The following UGT1A3 variants were observed in gnomAD, a reference collection of about 807,000 sequenced individuals.
UGT1A3 encodes UDP glucuronosyltransferase family 1 member A3, also known as UDP-glucuronosyltransferase 1A3.
UGT1A3 carries 31 observed loss-of-function variants against 41.0 expected under a neutral mutation model. The observed-to-expected ratio is 0.76, with a 90% CI of 0.57 to 1.02. The LOEUF (loss-of-function observed/expected upper bound fraction) is 1.02. Among genes scored for constraint, UGT1A3 ranks in the 50% least tolerant of loss-of-function variants. The pLI is 0.00. For missense variants in UGT1A3, 737 were observed against 671.0 expected, an observed-to-expected ratio of 1.10 and a Z score of -1.09; for synonymous variants, 262 against 257.6, an observed-to-expected ratio of 1.02 and a Z score of -0.17.
At chr2:233,734,933 A>T (rs1236153651) in intron 1 of UGT1A3, among the ~76,000 whole-genome samples, 3 of 152,196 alleles carry the variant, frequency 2.0e-5, no homozygotes, top group Non-Finnish European at 4.4e-5. Context: ...TTTACTTACA[A>T]TCATATGGTC....
intron 1 of UGT1A3, chr2:233,743,924 G>A: frequency 1.5e-6 from 2 of 1,361,192 alleles, no homozygotes; most frequent in East Asian, 4.6e-5. Flanking sequence ...CATGCTGGAT[G>A]GCCAGAACGG....
chr2:233,754,775 G>T (rs1381490042), intron 1 of UGT1A3: 9 of 1,081,770 alleles, frequency 8.3e-6, no homozygotes, highest in Non-Finnish European at 1.1e-5. Context: ...TTCCCAGGGA[G>T]CCAAAGGAAC....
rs1321370763 is a variant in UGT1A3 at position 233,760,541 on chromosome 2, G to A, written c.868-6493G>A. 6.2e-7 allele frequency: 1 copy of A among 1,614,268 alleles called. No homozygotes were observed. Among genetic ancestry groups the A allele is most frequent in the Non-Finnish European group, 8.5e-7 (1 of 1,180,050 alleles). On this transcript the variant is annotated intron_variant, in intron 1 of 4. Coordinates refer to ENST00000482026, the MANE Select transcript of UGT1A3 (RefSeq NM_019093.4). ...AAGACGTACCCTGTGCCATTCCAAA[G>A]GGAGGATGTGAAAGAGTCTTTTGTT... is the stretch of plus-strand genomic sequence containing the variant.
intron 1 of UGT1A3, chr2:233,753,700 T>A (rs1032888616): frequency 6.6e-6 from 1 of 152,228 alleles, no homozygotes; most frequent in African/African-American, 2.4e-5. Context: ...CAGATGCACT[T>A]GGCTTTCATC....
At chr2:233,732,129 GTTGTTTGT>G (rs201829156) in intron 1 of UGT1A3, among the ~76,000 whole-genome samples, 3 of 151,474 alleles carry the variant, frequency 2.0e-5, no homozygotes, top group African/African-American at 4.9e-5. Context: ...TTTTGATGAG[GTTGTTTGT>G]TTGTTTTTTT....
chr2:233,770,134 A>T (rs1182793290), intron 4 of UGT1A3: 14 of 152,284 alleles, frequency 9.2e-5, no homozygotes, highest in African/African-American at 3.4e-4. Flanking sequence ...AAAGTCCTCT[A>T]ATACATTATT....
At chr2:233,742,829 C>T (rs1399868443) in intron 1 of UGT1A3, 1 of 154,656 alleles carries the variant, frequency 6.5e-6, no homozygotes, top group Non-Finnish European at 1.4e-5. Context: ...TAGATTTCAC[C>T]ACTACACACT....
At chr2:233,761,893 A>G (rs1304507847) in intron 1 of UGT1A3, among the ~76,000 whole-genome samples, 1 of 152,212 alleles carries the variant, frequency 6.6e-6, no homozygotes, top group African/African-American at 2.4e-5. Context: ...CTTATCCTGC[A>G]AAGATTGGCT....
chr2:233,732,649 T>A (rs1277173996), intron 1 of UGT1A3, among the ~76,000 whole-genome samples: 1 of 152,232 alleles, frequency 6.6e-6, no homozygotes, highest in Admixed American at 6.5e-5. Context: ...ACCACTGTTC[T>A]GCTCCATTGG....
chr2:233,761,137 A>T, intron 1 of UGT1A3: 2 of 1,614,180 alleles, frequency 1.2e-6, no homozygotes, highest in Non-Finnish European at 1.7e-6. Flanking sequence ...CCTTCACCAA[A>T]ATCCACTATC....
rs1158869339 is a variant in UGT1A3, at chr2:233,729,371, T to A, written c.245T>A (p.Ile82Asn). ...TTTTTCACCCTGACAACCTATGCCATTTCGTGGACCCAGGATGAATTTGAT... is the reference window on the plus strand; with the variant it reads ...TTTTTCACCCTGACAACCTATGCCAATTCGTGGACCCAGGATGAATTTGAT... ...ENFFTLTTYAISWTQDEFDRH... is the reference protein window; with the variant it reads ...ENFFTLTTYANSWTQDEFDRH... Residue 82 changes from isoleucine (I) to asparagine (N), a missense_variant, in exon 1 of 5, where the codon ATT (isoleucine) becomes AAT (asparagine). Coordinates refer to ENST00000482026, the MANE Select transcript of UGT1A3 (RefSeq NM_019093.4). 2 of 1,613,978 alleles carry A rather than the reference T, an allele frequency of 1.2e-6. No individual in the cohort carries two copies. The highest frequency in any genetic ancestry group is 1.7e-6 in the Non-Finnish European group (2 of 1,179,966).
intron 1 of UGT1A3, among the ~76,000 whole-genome samples, chr2:233,749,836 C>T (rs550199256): frequency 1.5e-4 from 23 of 152,008 alleles, no homozygotes; most frequent in South Asian, 8.3e-4. Context: ...TCATGTAAGA[C>T]GTGTCTTTGC....
chr2:233,760,272 C>A (rs2125981625), intron 1 of UGT1A3: 1 of 1,612,378 alleles, frequency 6.2e-7, no homozygotes, highest in Non-Finnish European at 8.5e-7. Context: ...GAACCTCTGG[C>A]AGGAGCAAAG....
At chr2:233,744,678 A>G (rs965177544) in intron 1 of UGT1A3, among the ~76,000 whole-genome samples, 2 of 151,880 alleles carry the variant, frequency 1.3e-5, no homozygotes, top group African/African-American at 2.4e-5. Context: ...CACATCACCC[A>G]TGTAGCTTCT....
At chr2:233,736,562 G>T (rs1300440200) in intron 1 of UGT1A3, among the ~76,000 whole-genome samples, 1 of 152,158 alleles carries the variant, frequency 6.6e-6, no homozygotes, top group Non-Finnish European at 1.5e-5. Context: ...TGCTAGCAAG[G>T]AGCTGTGATC....
At position 233,743,406 on chromosome 2, in the gene UGT1A3, C is replaced by T. The variant is rs904424565; in HGVS notation, c.867+13413C>T. 16 of 1,310,784 alleles carry T rather than the reference C, an allele frequency of 1.2e-5. No individual in the cohort carries two copies. In the Admixed American group the frequency reaches 2.0e-4, roughly 16 times the overall value. The allele number at this position is 1,310,784 out of a possible 1,614,324, so 81.2% of individuals were successfully genotyped here. A position where few individuals can be genotyped will look rare whatever the true frequency, so the allele number is the denominator to read the frequency against. On this transcript the variant is annotated intron_variant, in intron 1 of 4. Transcript: ENST00000482026. ...AGGACATGCAGAAGGAAGAAAGGCC[C>T]CCACTTCCCAGGGAGCCAAAGGAAC...
At chr2:233,752,691 A>G (rs1290582885) in intron 1 of UGT1A3, 2 of 152,214 alleles carry the variant, frequency 1.3e-5, no homozygotes, top group Non-Finnish European at 2.9e-5. Context: ...ATTCATGTTT[A>G]CTAGTGGGGT....
rs1191731023 is a variant in UGT1A3, at chr2:233,773,247, T to C, written c.*688T>C. ...ATGAAGTGCTGGGCAAGTTTACTTTTTTTCTGATGTTTCCTACAACTAAAA... is the reference window on the plus strand; with the variant it reads ...ATGAAGTGCTGGGCAAGTTTACTTTCTTTCTGATGTTTCCTACAACTAAAA... On this transcript the variant is annotated 3_prime_UTR_variant, in exon 5 of 5. Coordinates refer to ENST00000482026, the MANE Select transcript of UGT1A3 (RefSeq NM_019093.4). The C allele has an allele frequency of 6.6e-6, 1 of 152,354 alleles. No homozygotes were observed. Among genetic ancestry groups the C allele is most frequent in the Admixed American group, 6.5e-5 (1 of 15,284 alleles). 9.4% of individuals were successfully genotyped at this position (152,354 alleles called of 1,614,324 possible).
intron 1 of UGT1A3, among the ~76,000 whole-genome samples, chr2:233,764,636 A>G (rs757477318): frequency 9.9e-5 from 15 of 152,106 alleles, no homozygotes; most frequent in Non-Finnish European, 1.9e-4. Flanking sequence ...CAAAGGTCCT[A>G]GGAAATTTAA....
Sources: allele counts gnomAD v4.1 joint callset (sites outside exome capture counted in the v4.1 genomes callset), GRCh38; gene constraint gnomAD v4.1.1; transcripts MANE v1.5; gene names NCBI Gene and HGNC (gene_info 2026-07-23, HGNC 2026-07-21).